ZNF804A: variants seen among roughly 807,000 people sequenced by gnomAD.
The protein encoded by ZNF804A is zinc finger protein 804A.
ZNF804A carries 2 observed loss-of-function variants against 16.5 expected under a neutral mutation model. That is an observed-to-expected ratio of 0.12 (90% CI 0.05 to 0.38). The LOEUF (loss-of-function observed/expected upper bound fraction) is 0.38, where lower values mean the gene tolerates loss of function less well. Among genes scored for constraint, ZNF804A ranks in the 10% least tolerant of loss-of-function variants. The pLI is 0.99. For missense variants in ZNF804A, 1,473 were observed against 1,390.7 expected, an observed-to-expected ratio of 1.06 and a Z score of -0.94; for synonymous variants, 534 against 489.6, an observed-to-expected ratio of 1.09 and a Z score of -1.20.
chr2:184,822,913 ATATGTG>A (rs1366260508), intron 1 of ZNF804A, among the ~76,000 whole-genome samples: 5 of 152,134 alleles, frequency 3.3e-5, no homozygotes, highest in Middle Eastern at 3.4e-3. Context: ...TTTTTTGTCC[ATATGTG>A]TATGTGTATG....
chr2:184,762,651 A>G (rs1004703551), intron 1 of ZNF804A, among the ~76,000 whole-genome samples: 1 of 152,022 alleles, frequency 6.6e-6, no homozygotes, highest in Non-Finnish European at 1.5e-5. Flanking sequence ...TGTTCATCCT[A>G]AATAGTATGT....
At chr2:184,753,847 C>G (rs926632985) in intron 1 of ZNF804A, among the ~76,000 whole-genome samples, 4 of 151,704 alleles carry the variant, frequency 2.6e-5, no homozygotes, top group Non-Finnish European at 4.4e-5. Context: ...CCTGTTTTTC[C>G]TTGCTAAGTA....
chr2:184,690,191 G>GA (rs11447687), intron 1 of ZNF804A, among the ~76,000 whole-genome samples: 44,142 of 137,542 alleles, frequency 0.32, 8,291 homozygotes, highest in African/African-American at 0.55. Flanking sequence ...AAAGTCTCAG[G>GA]AAAAAAAAAA....
chr2:184,627,942 A>G (rs923779010), intron 1 of ZNF804A, among the ~76,000 whole-genome samples: 4 of 152,220 alleles, frequency 2.6e-5, no homozygotes, highest in Non-Finnish European at 5.9e-5. Flanking sequence ...CTCAATATTT[A>G]TTCAACATGG....
At chr2:184,730,131 A>T (rs893639546) in intron 1 of ZNF804A, among the ~76,000 whole-genome samples, 4 of 152,010 alleles carry the variant, frequency 2.6e-5, no homozygotes, top group Non-Finnish European at 5.9e-5. Flanking sequence ...TTTTTTTCTT[A>T]TTCTTTAATT....
chr2:184,887,354 C>G (rs1684909287), intron 2 of ZNF804A, among the ~76,000 whole-genome samples: 1 of 152,222 alleles, frequency 6.6e-6, no homozygotes, highest in Admixed American at 6.5e-5. Flanking sequence ...CAAGGAAGTT[C>G]CAAACTTTCC....
intron 1 of ZNF804A, among the ~76,000 whole-genome samples, chr2:184,669,051 G>A (rs1415902391): frequency 6.6e-6 from 1 of 151,898 alleles, no homozygotes; most frequent in Non-Finnish European, 1.5e-5. Context: ...TTGTGAGGGA[G>A]CATCCCTTTT....
intron 1 of ZNF804A, among the ~76,000 whole-genome samples, chr2:184,790,223 G>GTT (rs1049177264): frequency 6.7e-6 from 1 of 149,380 alleles, no homozygotes; most frequent in Non-Finnish European, 1.5e-5. Context: ...TTGCTTTTTT[G>GTT]TTTTTTTGTT....
At chr2:184,674,794 CT>C (rs1452361157) in intron 1 of ZNF804A, among the ~76,000 whole-genome samples, 3 of 52,788 alleles carry the variant, frequency 5.7e-5, no homozygotes, top group African/African-American at 1.4e-4. Context: ...TTTTCCAAGT[CT>C]AAAAAAAGTA....
chr2:184,669,743 ATCTC>A (rs923778122), intron 1 of ZNF804A, among the ~76,000 whole-genome samples: 38 of 116,956 alleles, frequency 3.2e-4, no homozygotes, highest in African/African-American at 7.4e-4. Context: ...TGGTTGCCAC[ATCTC>A]TCTCTCACAC....
intron 1 of ZNF804A, among the ~76,000 whole-genome samples, chr2:184,774,185 C>A (rs999403802): frequency 6.6e-6 from 1 of 151,748 alleles, no homozygotes; most frequent in Non-Finnish European, 1.5e-5. Context: ...TATTCTATGG[C>A]TTTGTTGGTG....
chr2:184,812,965 A>G (rs1367028700), intron 1 of ZNF804A, among the ~76,000 whole-genome samples: 2 of 152,176 alleles, frequency 1.3e-5, no homozygotes, highest in African/African-American at 4.8e-5. Context: ...CCACCTCATT[A>G]GTAGTGCATA....
At chr2:184,881,374 A>G (rs1489344921) in intron 2 of ZNF804A, among the ~76,000 whole-genome samples, 1 of 147,736 alleles carries the variant, frequency 6.8e-6, no homozygotes, top group East Asian at 1.9e-4. Context: ...AAATTTTCCC[A>G]AACTTACTTA....
At chr2:184,645,435 G>C (rs542143930) in intron 1 of ZNF804A, among the ~76,000 whole-genome samples, 1 of 152,098 alleles carries the variant, frequency 6.6e-6, no homozygotes, top group Non-Finnish European at 1.5e-5. Context: ...CAGTTTATTA[G>C]CAAAATAAAG....
intron 1 of ZNF804A, among the ~76,000 whole-genome samples, chr2:184,719,302 C>T (rs1487762477): frequency 6.6e-6 from 1 of 151,762 alleles, no homozygotes; most frequent in Non-Finnish European, 1.5e-5. Flanking sequence ...TTTTCTCTTA[C>T]ACTTTCAGGC....
At chr2:184,623,334 A>C (rs1435681645) in intron 1 of ZNF804A, among the ~76,000 whole-genome samples, 1 of 152,154 alleles carries the variant, frequency 6.6e-6, no homozygotes, top group African/African-American at 2.4e-5. Context: ...ATGAAGTAAA[A>C]AACAAACTCT....
At chr2:184,731,567 T>TG (rs1188339613) in intron 1 of ZNF804A, among the ~76,000 whole-genome samples, 298 of 140,954 alleles carry the variant, frequency 2.1e-3, no homozygotes, top group Middle Eastern at 7.1e-3. Context: ...TTTAACGCTT[T>TG]TTTTTTTTTT....
In ZNF804A at chr2:184,936,385, C is replaced by T. The variant is rs1288891268; in HGVS notation, c.989C>T (p.Pro330Leu). The T allele has an allele frequency of 6.2e-7, 1 of 1,613,838 alleles. No homozygotes were observed. The highest frequency in any genetic ancestry group is 1.3e-5 in the African/African-American group (1 of 74,912). ...SDADNCQNSV[P>L]LADQIPLESV... Reference sequence around the variant, plus strand: ...GCAGATAATTGTCAAAATTCAGTCCCATTAGCAGATCAAATACCACTAGAG... The same window carrying T: ...GCAGATAATTGTCAAAATTCAGTCCTATTAGCAGATCAAATACCACTAGAG... Residue 330 changes from proline (P) to leucine (L), a missense_variant, in exon 4 of 4, where the codon CCA becomes CTA. Pro to Leu is a moderately conservative substitution (Grantham distance 98). Transcript: ENST00000302277.
At chr2:184,651,724 T>C (rs1365860935) in intron 1 of ZNF804A, among the ~76,000 whole-genome samples, 2 of 151,846 alleles carry the variant, frequency 1.3e-5, no homozygotes, top group Non-Finnish European at 2.9e-5. Flanking sequence ...AAAATGCAAA[T>C]CAGAATCACA....
Sources: gnomAD v4.1 joint callset for allele counts (sites outside exome capture counted in the v4.1 genomes callset) on GRCh38, gnomAD v4.1.1 for gene constraint, MANE v1.5 for transcripts, NCBI Gene and HGNC (gene_info 2026-07-23, HGNC 2026-07-21) for gene names.